The following SLC9A8 variants were observed in gnomAD, a reference collection of about 807,000 sequenced individuals.
SLC9A8 encodes the protein solute carrier family 9 member A8.
SLC9A8 carries 48 observed loss-of-function variants against 66.6 expected under a neutral mutation model. That is an observed-to-expected ratio of 0.72 (90% CI 0.57 to 0.92). The LOEUF (loss-of-function observed/expected upper bound fraction) is 0.92, where lower values mean the gene tolerates loss of function less well. SLC9A8 is among the 40% of genes least tolerant of loss of function. The probability of loss-of-function intolerance (pLI) is 0.00; values close to 1 mark genes in which losing one functional copy is unlikely to be tolerated. For synonymous variants in SLC9A8, 274 were observed against 282.6 expected, an observed-to-expected ratio of 0.97 and a Z score of 0.31; for missense variants, 599 against 747.3, an observed-to-expected ratio of 0.80 and a Z score of 2.31.
At position 49,884,199 on chromosome 20, in the gene SLC9A8, G is replaced by GACACAC. The variant is rs370760616; in HGVS notation, c.1491+170_1491+175dup. The GACACAC allele has an allele frequency of 7.8e-4, 226 of 288,664 alleles. 9 individuals carry two copies. Among genetic ancestry groups the GACACAC allele is most frequent in the African/African-American group, 5.4e-3 (91 of 16,788 alleles). The allele number at this position is 288,664 out of a possible 1,614,324, so 17.9% of individuals were successfully genotyped here. On this transcript the variant is annotated intron_variant, in intron 14 of 15. Coordinates refer to ENST00000361573, the MANE Select transcript of SLC9A8 (RefSeq NM_015266.3). Reference sequence around the variant, plus strand: ...GGATGCCCAGCACCTCCACACACACGACACACACACACACACACACACACA... The same window carrying GACACAC: ...GGATGCCCAGCACCTCCACACACACGACACACACACACACACACACACACACACACA...
In SLC9A8 at chr20:49,815,077, A is replaced by C; in HGVS notation, c.96A>C (p.Lys32Asn). ...TLHTTLVVTT[K>N]LVLPTPGKPI... ...ACACCACCCTGGTTGTCACGACGAA[A>C]CTGGTGCTCCCGACCCCTGGCAAGC... The change falls in exon 2 of 16, where the codon AAA becomes AAC. Residue 32 changes from lysine to asparagine, a missense_variant. Physicochemically the swap from Lys to Asn is moderately conservative, Grantham distance 94. Around this residue, in one of 2 missense-constraint regions of SLC9A8, gnomAD observed 132 missense variants for 120.9 expected, o/e 1.09. Transcript: ENST00000361573. 1 of 1,609,354 alleles carries C rather than the reference A, an allele frequency of 6.2e-7. No individual in the cohort carries two copies. Among genetic ancestry groups the C allele is most frequent in the Non-Finnish European group, 8.5e-7 (1 of 1,178,016 alleles).
intron 13 of SLC9A8, among the ~76,000 whole-genome samples, 197 bp from the exon 14 acceptor site, chr20:49,883,649 G>C (rs550640787): frequency 6.7e-4 from 102 of 152,302 alleles, no homozygotes; most frequent in African/African-American, 2.4e-3. Flanking sequence ...TGTTGGAATG[G>C]AGGTGAGTCT....
At chr20:49,874,265 A>C (rs75282133) in intron 10 of SLC9A8, among the ~76,000 whole-genome samples, 43 of 151,168 alleles carry the variant, frequency 2.8e-4, no homozygotes, top group East Asian at 7.8e-4. Context: ...TCCCCCCCCC[A>C]AAAAAAAGGG....
Position 49,888,128 on chromosome 20 carries a change from G to A in SLC9A8, c.*192G>A, listed in dbSNP as rs1458814551. 3.8e-6 allele frequency: 2 copies of A among 528,252 alleles called. No individual in the cohort carries two copies. Among genetic ancestry groups the A allele is most frequent in the Admixed American group, 6.5e-5 (2 of 30,588 alleles). 32.7% of individuals were successfully genotyped at this position (528,252 alleles called of 1,614,324 possible). A position where few individuals can be genotyped will look rare whatever the true frequency, so the allele number is the denominator to read the frequency against. The stretch of plus-strand genomic sequence containing the variant: ...GGCCTCTGGAGCCAGGCGACTTCTT[G>A]GGAAACTGTCATCTCCCGACTCCTC... On this transcript the variant is annotated 3_prime_UTR_variant, in exon 16 of 16. Coordinates refer to ENST00000361573, the MANE Select transcript of SLC9A8 (RefSeq NM_015266.3).
intron 3 of SLC9A8, among the ~76,000 whole-genome samples, chr20:49,824,049 C>A (rs950416595): frequency 3.9e-5 from 6 of 152,206 alleles, no homozygotes; most frequent in African/African-American, 1.2e-4. Flanking sequence ...CCTCCCCCTC[C>A]TCCCATCACC....
intron 3 of SLC9A8, among the ~76,000 whole-genome samples, chr20:49,832,074 G>A (rs903515872): frequency 2.6e-5 from 4 of 152,014 alleles, no homozygotes; most frequent in African/African-American, 4.8e-5. Flanking sequence ...TCTGACCTTG[G>A]TCTCCTCCCC....
chr20:49,851,303 T>C (rs567981616), intron 7 of SLC9A8, among the ~76,000 whole-genome samples: 14 of 152,296 alleles, frequency 9.2e-5, no homozygotes, highest in Non-Finnish European at 1.9e-4. Flanking sequence ...ATTGTGGTTA[T>C]TGTAGAAAGC....
At chr20:49,887,733 C>G in intron 15 of SLC9A8, 96 bp from the exon 16 acceptor site, 1 of 916,614 alleles carries the variant, frequency 1.1e-6, no homozygotes, top group Admixed American at 2.4e-5. Flanking sequence ...CCCACCTCCT[C>G]CCTAGACACC....
intron 13 of SLC9A8, among the ~76,000 whole-genome samples, chr20:49,881,746 GTA>G (rs765675940): frequency 5.3e-5 from 8 of 152,112 alleles, no homozygotes; most frequent in African/African-American, 1.9e-4. Flanking sequence ...GTTTAAAAAT[GTA>G]TATGTTTCAT....
At chr20:49,818,030 A>G (rs2086618011) in intron 2 of SLC9A8, among the ~76,000 whole-genome samples, 1 of 125,408 alleles carries the variant, frequency 8.0e-6, no homozygotes, top group African/African-American at 2.7e-5. Context: ...GCGGGCCTGG[A>G]AAAAAAAAAC....
At chr20:49,881,926 G>A (rs1017900569) in intron 13 of SLC9A8, among the ~76,000 whole-genome samples, 1 of 152,168 alleles carries the variant, frequency 6.6e-6, no homozygotes, top group African/African-American at 2.4e-5. Context: ...GGGGCATGAG[G>A]ATAAGAGAGC....
chr20:49,813,194 T>C (rs79600949), intron 1 of SLC9A8, among the ~76,000 whole-genome samples: 13,994 of 152,296 alleles, frequency 0.092, 721 homozygotes, highest in Middle Eastern at 0.13. Flanking sequence ...CCCGGAGAGC[T>C]GTCTTGCGGA....
chr20:49,852,417 G>T (rs950080423), intron 7 of SLC9A8, among the ~76,000 whole-genome samples: 25 of 152,254 alleles, frequency 1.6e-4, no homozygotes, highest in Non-Finnish European at 2.4e-4. Context: ...CATGAGAGGG[G>T]ACCACAGACT....
At chr20:49,855,970 T>G (rs1310514625) in intron 8 of SLC9A8, among the ~76,000 whole-genome samples, 1 of 151,910 alleles carries the variant, frequency 6.6e-6, no homozygotes, top group Non-Finnish European at 1.5e-5. Flanking sequence ...TTTTAAGAAG[T>G]TTTTGTAGAG....
chr20:49,840,956 A>T (rs2087731049), intron 4 of SLC9A8, among the ~76,000 whole-genome samples: 1 of 151,750 alleles, frequency 6.6e-6, no homozygotes, highest in African/African-American at 2.4e-5. Context: ...GTCTCTAAAA[A>T]AATACAAAAA....
At position 49,834,364 on chromosome 20, in the gene SLC9A8, ACTGT is replaced by A. The variant is rs1568813217; in HGVS notation, c.290-5176_290-5173del. Among the ~76,000 whole-genome samples, 575 of 58,826 alleles carry A rather than the reference ACTGT, an allele frequency of 9.8e-3. 17 individuals are homozygous for A. Among genetic ancestry groups the A allele is most frequent in the Non-Finnish European group, 0.014 (401 of 28,480 alleles). The allele number at this position is 58,826 out of a possible 152,430, so 38.6% of individuals were successfully genotyped here. ...ATATATATACTGTATATATATATAT[ACTGT>A]GTATATATATATATACTGTGTATAT... is the stretch of plus-strand genomic sequence containing the variant. On this transcript the variant is annotated intron_variant, in intron 3 of 15. Transcript: ENST00000361573.
intron 4 of SLC9A8, among the ~76,000 whole-genome samples, chr20:49,843,955 C>G (rs73125639): frequency 1.3e-5 from 2 of 151,914 alleles, no homozygotes; most frequent in African/African-American, 4.8e-5. Context: ...CCATCCCCGC[C>G]CCCCCTTTCT....
Position 49,870,411 on chromosome 20 carries a change from C to T in SLC9A8, c.959-4294C>T, listed in dbSNP as rs1014252582. Among the ~76,000 whole-genome samples the T allele has an allele frequency of 5.9e-5, 9 of 152,228 alleles. No individual in the cohort carries two copies. The South Asian group carries it at 8.3e-4, about 14-fold the overall frequency. On this transcript the variant is annotated intron_variant, in intron 10 of 15. Coordinates refer to ENST00000361573, the MANE Select transcript of SLC9A8 (RefSeq NM_015266.3). ...GGCACTGGAGCCCAGACCTGTGTGG[C>T]GAGAGGAGCCAGCCCAGGGACGCTC...
chr20:49,874,839 G>A lies in SLC9A8; in HGVS notation c.1075+18G>A. 6.5e-7 allele frequency: 1 copy of A among 1,538,882 alleles called. No individual in the cohort carries two copies. The highest frequency in any genetic ancestry group is 9.0e-7 in the Non-Finnish European group (1 of 1,111,288). On this transcript the variant is annotated intron_variant, in intron 11 of 15. Coordinates refer to ENST00000361573, the MANE Select transcript of SLC9A8 (RefSeq NM_015266.3). ...CTTATGTGGTGAGTTCTGCTTCTGT[G>A]TGGCCGTGAGCAGGCCCACCCAGAG...
Sources: allele counts gnomAD v4.1 joint callset (sites outside exome capture counted in the v4.1 genomes callset), GRCh38; gene constraint gnomAD v4.1.1; regional missense constraint gnomAD v4.1.1; transcripts MANE v1.5; gene names NCBI Gene and HGNC (gene_info 2026-07-23, HGNC 2026-07-21).